ADGRB3: variants seen among roughly 807,000 people sequenced by gnomAD.
The protein encoded by ADGRB3 is adhesion G protein-coupled receptor B3, also known as brain-specific angiogenesis inhibitor 3.
In ADGRB3, 37 loss-of-function variants were observed where a neutral mutation model predicts 193.4. The ratio of observed to expected loss-of-function variants is 0.19; its 90% confidence interval spans 0.15 to 0.25. ADGRB3 has a LOEUF of 0.25. ADGRB3 is among the 10% of genes least tolerant of loss of function. The pLI is 1.00. For synonymous variants in ADGRB3, 690 were observed against 644.2 expected (o/e 1.07, Z -1.08); for missense variants, 1,637 against 1,852.9 (o/e 0.88, Z 2.14).
chr6:68,719,181 T>C (rs1765533268), intron 3 of ADGRB3, among the ~76,000 whole-genome samples: 2 of 151,744 alleles, frequency 1.3e-5, no homozygotes. Flanking sequence ...TATTCCTGCC[T>C]TAGTTGGTTT....
chr6:68,818,748 A>G (rs992197604), intron 3 of ADGRB3, among the ~76,000 whole-genome samples: 5 of 152,096 alleles, frequency 3.3e-5, no homozygotes, highest in African/African-American at 1.2e-4. Context: ...TCCCAAAGAA[A>G]TGTTATTATA....
chr6:68,846,208 A>G lies in ADGRB3; in HGVS notation c.758-84351A>G, dbSNP rs1428475142. Reference sequence around the variant, plus strand: ...GGAAGGAATTTCTAAGCAGCAAAGCATTCAAGAGGTGACTTGGGTACTGTT... The same window carrying G: ...GGAAGGAATTTCTAAGCAGCAAAGCGTTCAAGAGGTGACTTGGGTACTGTT... On this transcript the variant is annotated intron_variant, in intron 3 of 31. Transcript: ENST00000370598. 2.0e-5 allele frequency among the ~76,000 whole-genome samples: 3 copies of G among 152,206 alleles called. No individual in the cohort carries two copies. In the South Asian group the frequency reaches 6.2e-4, roughly 32 times the overall value.
intron 20 of ADGRB3, among the ~76,000 whole-genome samples, chr6:69,282,878 A>G (rs1298832572): frequency 6.6e-6 from 1 of 152,238 alleles, no homozygotes; most frequent in African/African-American, 2.4e-5. Context: ...ACAAAGCTTG[A>G]TAAGATACCT....
Position 69,324,826 on chromosome 6 carries a change from C to G in ADGRB3, c.2815-46C>G, listed in dbSNP as rs758302422. On this transcript the variant is annotated intron_variant, in intron 20 of 31. Coordinates refer to ENST00000370598, the MANE Select transcript of ADGRB3 (RefSeq NM_001704.3). Reference sequence around the variant, plus strand: ...TCCCCTGAAGAACATATCATTTTCCCTCTCCCAGGTTCAGTGTGAGTCTTT... The same window carrying G: ...TCCCCTGAAGAACATATCATTTTCCGTCTCCCAGGTTCAGTGTGAGTCTTT... 3.8e-6 allele frequency: 6 copies of G among 1,594,512 alleles called. No individual in the cohort carries two copies. In the African/African-American group the frequency reaches 4.1e-5, roughly 11 times the overall value.
chr6:69,094,145 A>G (rs1034907622), intron 17 of ADGRB3, among the ~76,000 whole-genome samples: 4 of 152,130 alleles, frequency 2.6e-5, no homozygotes, highest in Admixed American at 2.0e-4. Context: ...AAACCAACAG[A>G]CTTTGGTGGA....
chr6:68,925,394 A>T (rs965501931), intron 3 of ADGRB3, among the ~76,000 whole-genome samples: 4 of 152,102 alleles, frequency 2.6e-5, no homozygotes, highest in African/African-American at 9.6e-5. Context: ...CTGCCTAAAT[A>T]TGAGCCTATA....
chr6:69,160,405 C>T (rs932189307), intron 17 of ADGRB3, among the ~76,000 whole-genome samples: 3 of 152,096 alleles, frequency 2.0e-5, no homozygotes, highest in Non-Finnish European at 2.9e-5. Context: ...GGCACTCTCT[C>T]ATCTCAGGAC....
chr6:68,838,304 T>C (rs1329070325), intron 3 of ADGRB3, among the ~76,000 whole-genome samples: 1 of 152,152 alleles, frequency 6.6e-6, no homozygotes, highest in African/African-American at 2.4e-5. Flanking sequence ...ACTGTGACTG[T>C]CCTCCCTTTG....
intron 3 of ADGRB3, among the ~76,000 whole-genome samples, chr6:68,894,119 T>A (rs917056921): frequency 6.6e-6 from 1 of 151,966 alleles, no homozygotes; most frequent in African/African-American, 2.4e-5. Flanking sequence ...TATTTCAAAA[T>A]CCTTTTTTAA....
intron 17 of ADGRB3, among the ~76,000 whole-genome samples, chr6:69,096,561 G>T (rs1171274119): frequency 6.6e-6 from 1 of 152,082 alleles, no homozygotes; most frequent in African/African-American, 2.4e-5. Context: ...TGTCTAAGGA[G>T]TTACCTGGTT....
chr6:68,911,624 T>G (rs1341601734), intron 3 of ADGRB3, among the ~76,000 whole-genome samples: 1 of 152,148 alleles, frequency 6.6e-6, no homozygotes, highest in Non-Finnish European at 1.5e-5. Context: ...TCAAACCTGA[T>G]TCAGCAGTGT....
chr6:68,963,848 T>A (rs943417079), intron 8 of ADGRB3, among the ~76,000 whole-genome samples: 10 of 152,134 alleles, frequency 6.6e-5, no homozygotes, highest in African/African-American at 2.2e-4. Context: ...ATAGTATTAT[T>A]ATTATATGAT....
chr6:68,894,857 T>C (rs980020140), intron 3 of ADGRB3, among the ~76,000 whole-genome samples: 1 of 151,896 alleles, frequency 6.6e-6, no homozygotes, highest in African/African-American at 2.4e-5. Flanking sequence ...TCTTGCTATG[T>C]GAATGAGCTA....
At chr6:69,179,308 T>A (rs1582522850) in intron 17 of ADGRB3, among the ~76,000 whole-genome samples, 2 of 152,318 alleles carry the variant, frequency 1.3e-5, no homozygotes, top group South Asian at 4.1e-4. Context: ...ATTTTGAAAA[T>A]TTTTAAGTGA....
At chr6:68,770,453 TG>T (rs1766596726) in intron 3 of ADGRB3, among the ~76,000 whole-genome samples, 1 of 152,050 alleles carries the variant, frequency 6.6e-6, no homozygotes, top group South Asian at 2.1e-4. Context: ...GTCTGTTTTT[TG>T]TTTGATCCAC....
chr6:68,892,551 T>C (rs1582290291), intron 3 of ADGRB3, among the ~76,000 whole-genome samples: 1 of 152,152 alleles, frequency 6.6e-6, no homozygotes, highest in African/African-American at 2.4e-5. Flanking sequence ...TTTCTATTTA[T>C]TTATTTATTT....
chr6:69,273,759 A>G (rs1489027023), intron 20 of ADGRB3, among the ~76,000 whole-genome samples: 1 of 152,198 alleles, frequency 6.6e-6, no homozygotes, highest in East Asian at 1.9e-4. Context: ...CAGGGACTTC[A>G]GATGCAATGT....
At chr6:69,137,836 G>A (rs367800511) in intron 17 of ADGRB3, among the ~76,000 whole-genome samples, 2 of 152,080 alleles carry the variant, frequency 1.3e-5, no homozygotes, top group African/African-American at 2.4e-5. Context: ...AAAGGTGTAC[G>A]ATGCCTAAAC....
intron 19 of ADGRB3, 23 bp downstream of exon 19, chr6:69,235,158 T>G: frequency 6.8e-7 from 1 of 1,476,450 alleles, no homozygotes; most frequent in Non-Finnish European, 9.4e-7. Flanking sequence ...TTGATAGACC[T>G]GAAATGCAAT....
Sources: gnomAD v4.1 joint callset for allele counts (sites outside exome capture counted in the v4.1 genomes callset) on GRCh38, gnomAD v4.1.1 for gene constraint, MANE v1.5 for transcripts, NCBI Gene and HGNC (gene_info 2026-07-23, HGNC 2026-07-21) for gene names.